KREMEN1: variants seen among roughly 807,000 people sequenced by gnomAD.
The protein encoded by KREMEN1 is kringle containing transmembrane protein 1.
In KREMEN1, 30 loss-of-function variants were observed where a neutral mutation model predicts 46.5. That is an observed-to-expected ratio of 0.65 (90% CI 0.48 to 0.88). The LOEUF (loss-of-function observed/expected upper bound fraction) is 0.88, where lower values mean the gene tolerates loss of function less well. KREMEN1 is among the 40% of genes least tolerant of loss of function. The pLI, the probability that KREMEN1 is intolerant of heterozygous loss-of-function variation, is 0.00. For synonymous variants in KREMEN1, 214 were observed against 230.6 expected, an observed-to-expected ratio of 0.93 and a Z score of 0.65; for missense variants, 533 against 596.9, an observed-to-expected ratio of 0.89 and a Z score of 1.11.
chr22:29,167,215 C>T (rs1174265256), exon 10 of KREMEN1: 8 of 929,828 alleles, frequency 8.6e-6, no homozygotes, highest in African/African-American at 3.3e-5. Context: ...TCTCTCTGGC[C>T]CAGCGTGGTG....
intron 2 of KREMEN1, among the ~76,000 whole-genome samples, chr22:29,097,907 C>G (rs1383369339): frequency 6.6e-6 from 1 of 152,058 alleles, no homozygotes; most frequent in East Asian, 1.9e-4. Context: ...TAAGGCTGGG[C>G]ACGGTGGCTC....
chr22:29,134,173 T>C (rs1489914500), intron 5 of KREMEN1: 7 of 150,964 alleles, frequency 4.6e-5, no homozygotes, highest in Admixed American at 2.6e-4. Flanking sequence ...TTTTTTTTTT[T>C]AAGAGACAAG....
intron 3 of KREMEN1, among the ~76,000 whole-genome samples, chr22:29,100,408 A>T (rs2145774495): frequency 6.6e-6 from 1 of 152,188 alleles, no homozygotes; most frequent in South Asian, 2.1e-4. Flanking sequence ...ACTAGTCTTT[A>T]TATATGTATA....
chr22:29,131,552 ATATATATATGTGTGTGTGTGTGTG>A (rs1401140699), intron 5 of KREMEN1, among the ~76,000 whole-genome samples: 837 of 66,960 alleles, frequency 0.013, 24 homozygotes, highest in African/African-American at 0.05. Context: ...ATATATATAT[ATATATATATGTGTGTGTGTGTGTG>A]TGTGTGTGTG....
At chr22:29,078,375 C>A (rs533414819) in intron 1 of KREMEN1, among the ~76,000 whole-genome samples, 2 of 151,948 alleles carry the variant, frequency 1.3e-5, no homozygotes, top group South Asian at 4.2e-4. Flanking sequence ...ATGGTTTGTT[C>A]AACTATGCCT....
chr22:29,167,139 T>G, exon 10 of KREMEN1: 2 of 1,530,160 alleles, frequency 1.3e-6, no homozygotes, highest in Non-Finnish European at 1.8e-6. Context: ...TGGGCATATC[T>G]GGGTGGCAAT....
At chr22:29,076,000 C>A (rs901345345) in intron 1 of KREMEN1, among the ~76,000 whole-genome samples, 2 of 152,134 alleles carry the variant, frequency 1.3e-5, no homozygotes, top group African/African-American at 4.8e-5. Context: ...AGATTCTCTT[C>A]CTTCCTTCAC....
chr22:29,105,213 G>T (rs1378853722), intron 3 of KREMEN1, among the ~76,000 whole-genome samples: 4 of 152,186 alleles, frequency 2.6e-5, no homozygotes, highest in Non-Finnish European at 4.4e-5. Flanking sequence ...AAAGAGTGGG[G>T]TCTTGTTTAG....
intron 3 of KREMEN1, among the ~76,000 whole-genome samples, chr22:29,116,390 T>TGAAA (rs1050081859): frequency 4.6e-5 from 7 of 152,284 alleles, no homozygotes; most frequent in African/African-American, 1.7e-4. Context: ...TGATTGCCTT[T>TGAAA]GGGGGCAAGT....
Position 29,143,912 on chromosome 22 carries a change from G to A in KREMEN1, c.*1800G>A. On this transcript the variant is annotated 3_prime_UTR_variant, in exon 9 of 9. Transcript: ENST00000400335. ...CTGCAGAGATTGGTGCCAGAAGAGG[G>A]TGGGTTTGGGAATTGGAGCTCCTCC... is the stretch of plus-strand genomic sequence containing the variant. 1.0e-6 allele frequency: 1 copy of A among 985,484 alleles called. No homozygotes were observed. Among genetic ancestry groups the A allele is most frequent in the Non-Finnish European group, 1.2e-6 (1 of 829,974 alleles). The allele number at this position is 985,484 out of a possible 1,614,324, so 61.0% of individuals were successfully genotyped here.
intron 9 of KREMEN1, among the ~76,000 whole-genome samples, chr22:29,164,074 C>G (rs115750872): frequency 0.027 from 4,084 of 152,338 alleles, 190 homozygotes; most frequent in African/African-American, 0.095. Flanking sequence ...CTCAGCCTCC[C>G]GAGTAGCTGG....
chr22:29,074,956 T>G (rs999059340), intron 1 of KREMEN1, among the ~76,000 whole-genome samples: 9 of 152,216 alleles, frequency 5.9e-5, no homozygotes, highest in African/African-American at 1.2e-4. Context: ...GCCTCACAGT[T>G]CATCGAGTGC....
chr22:29,147,158 C>T (rs1024866072), downstream of KREMEN1, among the ~76,000 whole-genome samples: 2 of 152,204 alleles, frequency 1.3e-5, no homozygotes, highest in African/African-American at 2.4e-5. Flanking sequence ...GCCTCAGCTT[C>T]CCCATCTGAA....
intron 1 of KREMEN1, among the ~76,000 whole-genome samples, chr22:29,079,134 CA>C (rs2037616874): frequency 6.6e-6 from 1 of 152,164 alleles, no homozygotes; most frequent in South Asian, 2.1e-4. Flanking sequence ...GAGGCCATCG[CA>C]AAAAAATGTC....
intron 5 of KREMEN1, 113 bp from the exon 6 acceptor site, chr22:29,137,229 C>A: frequency 1.5e-6 from 1 of 678,664 alleles, no homozygotes; most frequent in Non-Finnish European, 2.3e-6. Flanking sequence ...CAGATAGAAA[C>A]AATGTCCTAA....
intron 5 of KREMEN1, among the ~76,000 whole-genome samples, chr22:29,129,342 A>G (rs2038497756): frequency 6.6e-6 from 1 of 151,790 alleles, no homozygotes; most frequent in South Asian, 2.1e-4. Context: ...GTGAGACTCC[A>G]TCTAAAAAAA....
At chr22:29,086,916 T>C (rs369963941) in intron 1 of KREMEN1, among the ~76,000 whole-genome samples, 234 of 152,034 alleles carry the variant, frequency 1.5e-3, no homozygotes, top group African/African-American at 5.2e-3. Context: ...CCAGCAAATT[T>C]TTAATTTTAA....
At position 29,138,607 on chromosome 22, in the gene KREMEN1, T is replaced by G; in HGVS notation, c.965-17T>G. ...CTCCATAGCCCTGTCCCCAGTTAAT[T>G]GCTTTTTCTCTTCCAGCCGTCAAGG... On this transcript the variant is annotated splice_polypyrimidine_tract_variant and intron_variant, in intron 6 of 8. Transcript: ENST00000400335. 6.2e-7 allele frequency: 1 copy of G among 1,613,314 alleles called. No individual in the cohort carries two copies. The highest frequency in any genetic ancestry group is 8.5e-7 in the Non-Finnish European group (1 of 1,179,260).
At position 29,138,673 on chromosome 22, in the gene KREMEN1, G is replaced by T. The variant is rs754349208; in HGVS notation, c.1014G>T (p.Val338=). ...PQERPAVNQT[V]AEVITEQANL... ...AGAGGCCCGCTGTCAACCAGACGGT[G>T]GCCGAGGTGATCACGGAGCAGGCCA... Residue 338 remains valine (V), a synonymous_variant, in exon 7 of 9, where the codon GTG becomes GTT. Transcript: ENST00000400335. 1.9e-6 allele frequency: 3 copies of T among 1,614,216 alleles called. No individual in the cohort carries two copies. The highest frequency in any genetic ancestry group is 2.5e-6 in the Non-Finnish European group (3 of 1,180,046).
Sources: allele counts gnomAD v4.1 joint callset (sites outside exome capture counted in the v4.1 genomes callset), GRCh38; gene constraint gnomAD v4.1.1; transcripts MANE v1.5; gene names NCBI Gene and HGNC (gene_info 2026-07-23, HGNC 2026-07-21).